PLXNC1: variants seen among roughly 807,000 people sequenced by gnomAD.
PLXNC1 encodes plexin C1.
A neutral mutation model predicts 178.2 loss-of-function variants in PLXNC1; 75 were observed. That is an observed-to-expected ratio of 0.42 (90% CI 0.35 to 0.51). PLXNC1 has a LOEUF of 0.51. PLXNC1 is among the 20% of genes least tolerant of loss of function. The probability of loss-of-function intolerance (pLI) is 0.02; values close to 1 mark genes in which losing one functional copy is unlikely to be tolerated. For missense variants in PLXNC1, 1,503 were observed against 1,984.4 expected (o/e 0.76, Z 4.61); for synonymous variants, 790 against 779.9 (o/e 1.01, Z -0.22).
At chr12:94,151,075 T>A (rs985137852) in intron 1 of PLXNC1, among the ~76,000 whole-genome samples, 7 of 152,186 alleles carry the variant, frequency 4.6e-5, no homozygotes, top group African/African-American at 1.4e-4. Flanking sequence ...GAGGGGAGCC[T>A]GCTGGGAGCC....
intron 30 of PLXNC1, 99 bp downstream of exon 30, chr12:94,304,150 G>T: frequency 1.3e-6 from 1 of 756,388 alleles, no homozygotes; most frequent in African/African-American, 1.8e-5. Flanking sequence ...CATCCCAAAA[G>T]GCCAGAAAGG....
intron 21 of PLXNC1, among the ~76,000 whole-genome samples, chr12:94,276,008 T>G (rs1965930666): frequency 6.6e-6 from 1 of 152,164 alleles, no homozygotes; most frequent in South Asian, 2.1e-4. Flanking sequence ...TTTCCACCCA[T>G]CCAGCTGTGG....
intron 5 of PLXNC1, among the ~76,000 whole-genome samples, chr12:94,216,820 C>T (rs966568006): frequency 6.6e-6 from 1 of 152,134 alleles, no homozygotes; most frequent in Non-Finnish European, 1.5e-5. Flanking sequence ...GTGAATGTTG[C>T]GGGCTAATTG....
chr12:94,217,391 A>T (rs559759149), intron 5 of PLXNC1, among the ~76,000 whole-genome samples: 1 of 152,214 alleles, frequency 6.6e-6, no homozygotes, highest in South Asian at 2.1e-4. Context: ...GTCTGTAGAC[A>T]ATCTTATTCA....
At position 94,214,965 on chromosome 12, in the gene PLXNC1, T is replaced by G. The variant is rs1367991714; in HGVS notation, c.1555-5051T>G. 3.3e-5 allele frequency among the ~76,000 whole-genome samples: 5 copies of G among 152,216 alleles called. No individual in the cohort carries two copies. The East Asian group carries it at 9.6e-4, about 29-fold the overall frequency. On this transcript the variant is annotated intron_variant, in intron 5 of 30. Coordinates refer to ENST00000258526, the MANE Select transcript of PLXNC1 (RefSeq NM_005761.3). ...AGGCTGGAGTGCTGTGGCGCGATCATGGTTCACTGCAACCTCTGCCTCCCG... is the reference window on the plus strand; with the variant it reads ...AGGCTGGAGTGCTGTGGCGCGATCAGGGTTCACTGCAACCTCTGCCTCCCG...
intron 17 of PLXNC1, among the ~76,000 whole-genome samples, chr12:94,258,773 A>T (rs1244503593): frequency 6.6e-6 from 1 of 152,234 alleles, no homozygotes; most frequent in Non-Finnish European, 1.5e-5. Flanking sequence ...GAGATGAGGC[A>T]AGTCAGACAC....
chr12:94,220,698 A>G (rs1368914638), intron 6 of PLXNC1, among the ~76,000 whole-genome samples: 2 of 152,250 alleles, frequency 1.3e-5, no homozygotes, highest in Non-Finnish European at 2.9e-5. Context: ...CAGTGTGTAA[A>G]TACAGGGAAC....
chr12:94,159,502 C>T (rs982222355), intron 1 of PLXNC1, among the ~76,000 whole-genome samples: 1 of 151,822 alleles, frequency 6.6e-6, no homozygotes, highest in Non-Finnish European at 1.5e-5. Context: ...AGGGCATGTG[C>T]AAGAACTCAA....
intron 4 of PLXNC1, among the ~76,000 whole-genome samples, chr12:94,207,762 CT>C (rs918775880): frequency 6.6e-6 from 1 of 152,216 alleles, no homozygotes; most frequent in African/African-American, 2.4e-5. Context: ...GGAGTGATAA[CT>C]CAGTGGCACT....
chr12:94,237,750 GGC>G lies in PLXNC1; in HGVS notation c.2068_2069del (p.Ala690IlefsTer14). 1 of 1,613,910 alleles carries G rather than the reference GGC, an allele frequency of 6.2e-7. No individual in the cohort carries two copies. The highest frequency in any genetic ancestry group is 8.5e-7 in the Non-Finnish European group (1 of 1,179,914). ...TAGTAACGGGAGCAAACTTTACCCG[GGC>G]ATCGAACATCACAATGATCCTGAAA... Reference protein sequence around the residue: ...VIVTGANFTRASNITMILKGT... With the variant: ...VIVTGANFTRXSNITMILKGT... On this transcript the variant is annotated frameshift_variant, in exon 10 of 31. Transcript: ENST00000258526. LOFTEE classifies it high-confidence loss of function.
At chr12:94,234,544 A>C (rs1964190487) in intron 9 of PLXNC1, among the ~76,000 whole-genome samples, 1 of 152,226 alleles carries the variant, frequency 6.6e-6, no homozygotes, top group African/African-American at 2.4e-5. Flanking sequence ...ATAACCCTGA[A>C]GTCTTTAAAA....
chr12:94,152,522 C>T (rs1242374491), intron 1 of PLXNC1, among the ~76,000 whole-genome samples: 1 of 152,204 alleles, frequency 6.6e-6, no homozygotes, highest in Non-Finnish European at 1.5e-5. Context: ...ATTTGTTCTG[C>T]ATTTTATTTT....
chr12:94,228,659 GT>G (rs1412901273), intron 9 of PLXNC1, among the ~76,000 whole-genome samples: 1 of 152,034 alleles, frequency 6.6e-6, no homozygotes, highest in African/African-American at 2.4e-5. Flanking sequence ...AATTGAATTT[GT>G]CTATTTGTGC....
chr12:94,223,748 C>A (rs917184527), intron 6 of PLXNC1, among the ~76,000 whole-genome samples: 2 of 152,102 alleles, frequency 1.3e-5, no homozygotes, highest in African/African-American at 2.4e-5. Flanking sequence ...CCAAGAAGAT[C>A]GTGGAACCCA....
At chr12:94,247,863 G>A (rs369217647) in intron 12 of PLXNC1, 40 bp from the exon 13 acceptor site, 112 of 1,580,662 alleles carry the variant, frequency 7.1e-5, no homozygotes, top group East Asian at 4.2e-4. Context: ...GCTGGGATTC[G>A]TTAACAAAGT....
rs1349469346 is a variant in PLXNC1 at position 94,149,608 on chromosome 12, C to T, written c.637C>T (p.Arg213Cys). 6 of 1,580,166 alleles carry T rather than the reference C, an allele frequency of 3.8e-6. No homozygotes were observed. Among genetic ancestry groups the T allele is most frequent in the Non-Finnish European group, 5.2e-6 (6 of 1,164,536 alleles). Residue 213 changes from arginine to cysteine, a missense_variant, in exon 1 of 31, where the codon CGC becomes TGC. By Grantham distance (180) the Arg-to-Cys change is radical. Coordinates refer to ENST00000258526, the MANE Select transcript of PLXNC1 (RefSeq NM_005761.3). ...TAIALKDTEG[R>C]SLATQELGRL... ...CATCGCGCTCAAGGACACGGAGGGGCGCAGCCTGGCCACGCAGGAGCTGGG... is the reference window on the plus strand; with the variant it reads ...CATCGCGCTCAAGGACACGGAGGGGTGCAGCCTGGCCACGCAGGAGCTGGG...
chr12:94,209,828 C>T (rs554383092), intron 5 of PLXNC1, 124 bp downstream of exon 5: 94 of 625,934 alleles, frequency 1.5e-4, no homozygotes, highest in Middle Eastern at 1.3e-3. Flanking sequence ...GCACTCCATT[C>T]ATTTAGCACT....
At chr12:94,176,501 G>C (rs1221973205) in intron 2 of PLXNC1, 1 of 152,082 alleles carries the variant, frequency 6.6e-6, no homozygotes, top group Non-Finnish European at 1.5e-5. Flanking sequence ...CTCTTGTCCT[G>C]TCCTCAGGAT....
Position 94,224,302 on chromosome 12 carries a change from T to C in PLXNC1, c.1777T>C (p.Ser593Pro), listed in dbSNP as rs764763709. ...AGACAGATTCAACTTTACCAACTGC[T>C]CATCATTAAAAGAGTAAGATTTTAT... The part of the protein sequence containing the change: ...LSDRFNFTNC[S>P]SLKECPACVE... Residue 593 changes from serine to proline, a missense_variant, in exon 7 of 31, where the codon TCA becomes CCA. Ser to Pro is a moderately conservative substitution (Grantham distance 74, BLOSUM62 -1). Coordinates refer to ENST00000258526, the MANE Select transcript of PLXNC1 (RefSeq NM_005761.3). 3 of 1,524,418 alleles carry C rather than the reference T, an allele frequency of 2.0e-6. No homozygotes were observed. Among genetic ancestry groups the C allele is most frequent in the Non-Finnish European group, 2.7e-6 (3 of 1,098,270 alleles). 94.4% of individuals were successfully genotyped at this position (1,524,418 alleles called of 1,614,324 possible).
Sources: allele counts gnomAD v4.1 joint callset (sites outside exome capture counted in the v4.1 genomes callset), GRCh38; gene constraint gnomAD v4.1.1; transcripts MANE v1.5; gene names NCBI Gene and HGNC (gene_info 2026-07-23, HGNC 2026-07-21).